LRRTM4: variants seen among roughly 807,000 people sequenced by gnomAD.
LRRTM4 encodes the protein leucine-rich repeat transmembrane neuronal protein 4.
In LRRTM4, 25 loss-of-function variants were observed where a neutral mutation model predicts 47.6. The ratio of observed to expected loss-of-function variants is 0.53; its 90% CI spans 0.38 to 0.73. LRRTM4 has a LOEUF of 0.73. Ranked by LOEUF, LRRTM4 falls within the 30% of genes least tolerant of loss-of-function variation. The pLI is 0.00. For synonymous variants in LRRTM4, 311 were observed against 269.5 expected (o/e 1.15, Z -1.51); for missense variants, 638 against 713.4 (o/e 0.89, Z 1.20).
At chr2:77,514,077 T>C (rs879465682) in intron 3 of LRRTM4, among the ~76,000 whole-genome samples, 3 of 151,810 alleles carry the variant, frequency 2.0e-5, no homozygotes, top group Admixed American at 1.3e-4. Context: ...CACATATATA[T>C]ATACAGACAT....
At chr2:77,260,332 CT>C (rs1239637902) in intron 3 of LRRTM4, among the ~76,000 whole-genome samples, 5 of 151,010 alleles carry the variant, frequency 3.3e-5, no homozygotes, top group African/African-American at 9.7e-5. Flanking sequence ...TTCTCTAATA[CT>C]TCACCTATCA....
At chr2:77,508,946 T>C (rs1423277187) in intron 3 of LRRTM4, among the ~76,000 whole-genome samples, 1 of 151,972 alleles carries the variant, frequency 6.6e-6, no homozygotes, top group East Asian at 1.9e-4. Context: ...AAACTGTTTC[T>C]AAGGCCAGGC....
intron 3 of LRRTM4, among the ~76,000 whole-genome samples, chr2:77,032,587 AG>A (rs1678700902): frequency 6.6e-6 from 1 of 152,140 alleles, no homozygotes; most frequent in Admixed American, 6.6e-5. Context: ...GGACTAATTA[AG>A]ATCTGTTTTA....
At chr2:77,039,720 C>A (rs919319795) in intron 3 of LRRTM4, among the ~76,000 whole-genome samples, 1 of 150,890 alleles carries the variant, frequency 6.6e-6, no homozygotes, top group Non-Finnish European at 1.5e-5. Context: ...AGAATGTTCC[C>A]TTTTTTCATG....
At chr2:77,248,559 C>T (rs1274014456) in intron 3 of LRRTM4, among the ~76,000 whole-genome samples, 1 of 151,920 alleles carries the variant, frequency 6.6e-6, no homozygotes, top group Non-Finnish European at 1.5e-5. Context: ...AAAGTTTATA[C>T]AGACAGATAA....
At chr2:76,760,494 T>G (rs1009438377) in intron 3 of LRRTM4, among the ~76,000 whole-genome samples, 8 of 152,154 alleles carry the variant, frequency 5.3e-5, no homozygotes, top group Non-Finnish European at 1.2e-4. Flanking sequence ...AGAGATAGAC[T>G]GCTGGTACGT....
chr2:76,792,997 C>A (rs1410952173), intron 3 of LRRTM4, among the ~76,000 whole-genome samples: 1 of 152,174 alleles, frequency 6.6e-6, no homozygotes, highest in Non-Finnish European at 1.5e-5. Flanking sequence ...GAAGTCTTCA[C>A]TGATTCTTTT....
chr2:77,446,250 G>C (rs974538186), intron 3 of LRRTM4, among the ~76,000 whole-genome samples: 1 of 151,836 alleles, frequency 6.6e-6, no homozygotes, highest in Non-Finnish European at 1.5e-5. Flanking sequence ...TCATACCATC[G>C]TTTGTAGAGA....
At chr2:76,968,407 T>C (rs1157015608) in intron 3 of LRRTM4, among the ~76,000 whole-genome samples, 2 of 144,356 alleles carry the variant, frequency 1.4e-5, no homozygotes, top group Non-Finnish European at 3.0e-5. Flanking sequence ...TACATATATA[T>C]GTAGTAAAAT....
At chr2:77,360,252 C>CA (rs1173435881) in intron 3 of LRRTM4, among the ~76,000 whole-genome samples, 19 of 151,906 alleles carry the variant, frequency 1.3e-4, no homozygotes. Context: ...GGTCAGGAGA[C>CA]AGAGACTATC....
intron 3 of LRRTM4, among the ~76,000 whole-genome samples, chr2:77,173,800 C>T (rs1673119276): frequency 6.6e-6 from 1 of 152,088 alleles, no homozygotes; most frequent in African/African-American, 2.4e-5. Flanking sequence ...TCAGCCCCTT[C>T]CCCCAAGATC....
At chr2:76,952,989 G>A (rs1303970270) in intron 3 of LRRTM4, among the ~76,000 whole-genome samples, 1 of 151,618 alleles carries the variant, frequency 6.6e-6, no homozygotes. Flanking sequence ...TAGCATCCAA[G>A]GACATAAATA....
chr2:77,051,377 G>C (rs577903997), intron 3 of LRRTM4, among the ~76,000 whole-genome samples: 1 of 152,092 alleles, frequency 6.6e-6, no homozygotes, highest in South Asian at 2.1e-4. Flanking sequence ...AAGTGAGAGT[G>C]AAAGAACTGT....
At chr2:77,018,404 A>C (rs1341149473) in intron 3 of LRRTM4, among the ~76,000 whole-genome samples, 1 of 151,704 alleles carries the variant, frequency 6.6e-6, no homozygotes, top group Non-Finnish European at 1.5e-5. Flanking sequence ...TCTCATTTAC[A>C]TCCTTTCAGG....
intron 3 of LRRTM4, among the ~76,000 whole-genome samples, chr2:76,766,655 C>T (rs900914459): frequency 8.5e-5 from 13 of 152,212 alleles, no homozygotes; most frequent in Non-Finnish European, 1.8e-4. Context: ...GTATTTATTT[C>T]TTGCTAATCA....
intron 3 of LRRTM4, among the ~76,000 whole-genome samples, chr2:77,227,419 G>A (rs1462766720): frequency 6.6e-6 from 1 of 152,042 alleles, no homozygotes; most frequent in Non-Finnish European, 1.5e-5. Context: ...CTAAGAGGCT[G>A]AAGAGTCTTA....
intron 3 of LRRTM4, among the ~76,000 whole-genome samples, chr2:76,867,029 T>C (rs1672488059): frequency 6.6e-6 from 1 of 150,972 alleles, no homozygotes; most frequent in Admixed American, 6.6e-5. Context: ...TGAGAATACA[T>C]GGATACAGGG....
intron 3 of LRRTM4, among the ~76,000 whole-genome samples, chr2:77,353,649 T>C (rs1671865447): frequency 6.6e-6 from 1 of 152,080 alleles, no homozygotes; most frequent in African/African-American, 2.4e-5. Flanking sequence ...CTTTTTTACC[T>C]TTTGAAGCTT....
chr2:77,123,213 C>CAGAG (rs56149151), intron 3 of LRRTM4, among the ~76,000 whole-genome samples: 1,920 of 142,754 alleles, frequency 0.013, 13 homozygotes, highest in Middle Eastern at 0.04. Flanking sequence ...TTCAGTCTCA[C>CAGAG]AGAGAGAGAG....
Sources: allele counts gnomAD v4.1 joint callset (sites outside exome capture counted in the v4.1 genomes callset), GRCh38; gene constraint gnomAD v4.1.1; transcripts MANE v1.5; gene names NCBI Gene and HGNC (gene_info 2026-07-23, HGNC 2026-07-21).